The following ZNF407 variants were observed in gnomAD, a reference collection of about 807,000 sequenced individuals.
ZNF407 encodes zinc finger protein 407.
Under a neutral mutation model 131.2 loss-of-function variants are expected in ZNF407, and 17 were observed. The observed-to-expected ratio is 0.13, with a 90% CI of 0.09 to 0.19. ZNF407 has a LOEUF of 0.19. ZNF407 is among the 10% of genes least tolerant of loss of function. ZNF407 has a pLI of 1.00. For synonymous variants in ZNF407, 1,156 were observed against 1,062.0 expected (o/e 1.09, Z -1.72); for missense variants, 2,681 against 2,830.6 (o/e 0.95, Z 1.20).
chr18:74,996,377 T>TA (rs1182039310), intron 8 of ZNF407, among the ~76,000 whole-genome samples: 1 of 152,248 alleles, frequency 6.6e-6, no homozygotes, highest in African/African-American at 2.4e-5. Flanking sequence ...ATTATGGCAG[T>TA]AAAAATGATT....
chr18:74,936,838 G>A (rs781594431), intron 8 of ZNF407, among the ~76,000 whole-genome samples: 11 of 152,074 alleles, frequency 7.2e-5, no homozygotes, highest in East Asian at 3.8e-4. Flanking sequence ...TTTATCTGCC[G>A]ATGATTTCTG....
chr18:74,837,567 A>G (rs576718548), intron 4 of ZNF407, among the ~76,000 whole-genome samples: 1 of 152,138 alleles, frequency 6.6e-6, no homozygotes, highest in South Asian at 2.1e-4. Flanking sequence ...AACATTTTTA[A>G]TTTTTCTTAA....
chr18:74,746,440 G>A (rs539778753), intron 3 of ZNF407, among the ~76,000 whole-genome samples: 1 of 151,888 alleles, frequency 6.6e-6, no homozygotes, highest in African/African-American at 2.4e-5. Flanking sequence ...TAAAGTTTTT[G>A]ACTCCTTTTT....
At chr18:74,858,695 A>C (rs1388606203) in intron 4 of ZNF407, among the ~76,000 whole-genome samples, 1 of 152,146 alleles carries the variant, frequency 6.6e-6, no homozygotes, top group African/African-American at 2.4e-5. Context: ...TCAATGTTTC[A>C]TGTAGTTCTT....
intron 8 of ZNF407, among the ~76,000 whole-genome samples, chr18:75,001,421 T>A (rs1156239089): frequency 6.6e-6 from 1 of 152,192 alleles, no homozygotes; most frequent in Non-Finnish European, 1.5e-5. Context: ...TCTCTGTAAT[T>A]TTTATCATCA....
At position 74,745,188 on chromosome 18, in the gene ZNF407, A is replaced by G. The variant is rs116947172; in HGVS notation, c.4803-36240A>G. 7.0e-3 allele frequency among the ~76,000 whole-genome samples: 1,069 copies of G among 152,310 alleles called. 3 individuals carry two copies. Among genetic ancestry groups the G allele is most frequent in the Non-Finnish European group, 0.011 (733 of 68,024 alleles). On this transcript the variant is annotated intron_variant, in intron 3 of 8. Coordinates refer to ENST00000299687, the MANE Select transcript of ZNF407 (RefSeq NM_017757.3). ...TTAATAATTGGTTATCTTGTGGAGA[A>G]TCATAAATGTACACCTAGGATATGA...
At chr18:75,003,101 C>T (rs1972867124) in intron 8 of ZNF407, among the ~76,000 whole-genome samples, 1 of 152,182 alleles carries the variant, frequency 6.6e-6, no homozygotes, top group Non-Finnish European at 1.5e-5. Context: ...AACATCAACT[C>T]ATTATTTTTG....
chr18:74,934,929 A>G (rs1252472361), intron 8 of ZNF407, among the ~76,000 whole-genome samples: 5 of 152,248 alleles, frequency 3.3e-5, no homozygotes, highest in African/African-American at 1.2e-4. Flanking sequence ...GTATTTAGTT[A>G]GTAAAATATA....
rs1985170576 is a variant in ZNF407 at position 74,650,333 on chromosome 18, T to C, written c.4802+9211T>C. On this transcript the variant is annotated intron_variant, in intron 3 of 8. Coordinates refer to ENST00000299687, the MANE Select transcript of ZNF407 (RefSeq NM_017757.3). Reference sequence around the variant, plus strand: ...TTTACAATTGTTGGTGCTTACTTAGTCTGCATCATGTAGCACTCCTGCCTA... The same window carrying C: ...TTTACAATTGTTGGTGCTTACTTAGCCTGCATCATGTAGCACTCCTGCCTA... 3.3e-5 allele frequency among the ~76,000 whole-genome samples: 5 copies of C among 152,324 alleles called. No individual in the cohort carries two copies. In the Middle Eastern group the frequency reaches 0.017, roughly 518 times the overall value.
intron 4 of ZNF407, among the ~76,000 whole-genome samples, chr18:74,825,101 T>G (rs1433856840): frequency 6.6e-6 from 1 of 152,076 alleles, no homozygotes; most frequent in Non-Finnish European, 1.5e-5. Context: ...ACAGAACCAG[T>G]GACAAAAACC....
intron 8 of ZNF407, among the ~76,000 whole-genome samples, chr18:75,014,248 T>C (rs1042526443): frequency 1.3e-5 from 2 of 152,122 alleles, no homozygotes; most frequent in African/African-American, 4.8e-5. Flanking sequence ...AACTTTCATG[T>C]ATCAATTAAG....
chr18:74,603,560 C>T (rs79904808), intron 1 of ZNF407, among the ~76,000 whole-genome samples: 24 of 152,350 alleles, frequency 1.6e-4, no homozygotes, highest in African/African-American at 5.5e-4. Context: ...CTGAAAGGCA[C>T]CTTTCATAAA....
At chr18:74,993,863 G>A (rs1972747218) in intron 8 of ZNF407, among the ~76,000 whole-genome samples, 1 of 152,188 alleles carries the variant, frequency 6.6e-6, no homozygotes, top group Non-Finnish European at 1.5e-5. Context: ...AATCAGGTAA[G>A]CTCTCATTTA....
At chr18:74,814,916 A>T (rs1046228698) in intron 4 of ZNF407, among the ~76,000 whole-genome samples, 19 of 152,060 alleles carry the variant, frequency 1.2e-4, no homozygotes, top group African/African-American at 4.6e-4. Context: ...GTACATTTTT[A>T]AAATTCAAAA....
rs1241530650 is a variant in ZNF407 at position 75,048,328 on chromosome 18, G to T, written c.5429-14822G>T. The stretch of plus-strand genomic sequence containing the variant: ...TTCTTTTTGGCATTTGCCATGGTTG[G>T]TCCCTCTCTTCTTTCTTCCCTTCCA... On this transcript the variant is annotated intron_variant, in intron 8 of 8. Transcript: ENST00000299687. The surrounding 1 kb of genome is among the most constrained non-coding windows in gnomAD (Gnocchi z 4.1). Among the ~76,000 whole-genome samples, 1 of 152,158 alleles carries T rather than the reference G, an allele frequency of 6.6e-6. No individual in the cohort carries two copies. Among genetic ancestry groups the T allele is most frequent in the African/African-American group, 2.4e-5 (1 of 41,426 alleles).
chr18:74,856,437 A>T (rs1970860238), intron 4 of ZNF407, among the ~76,000 whole-genome samples: 3 of 152,250 alleles, frequency 2.0e-5, no homozygotes, highest in Admixed American at 2.0e-4. Flanking sequence ...AGGAGAAGAA[A>T]GCAATCTAGT....
At chr18:74,656,397 C>CT (rs953523966) in intron 3 of ZNF407, among the ~76,000 whole-genome samples, 4 of 151,860 alleles carry the variant, frequency 2.6e-5, no homozygotes, top group Non-Finnish European at 4.4e-5. Flanking sequence ...AAAGAAAATC[C>CT]TTTTTTTGTT....
At chr18:74,721,033 T>C (rs1968023130) in intron 3 of ZNF407, among the ~76,000 whole-genome samples, 1 of 151,756 alleles carries the variant, frequency 6.6e-6, no homozygotes, top group African/African-American at 2.4e-5. Context: ...GGGTGAAGAA[T>C]GTCGTTGGTA....
At chr18:74,872,498 T>C (rs929399651) in intron 4 of ZNF407, among the ~76,000 whole-genome samples, 19 of 152,206 alleles carry the variant, frequency 1.2e-4, no homozygotes, top group African/African-American at 4.3e-4. Context: ...GCACGGCGGC[T>C]CACACCTGTA....
Sources: allele counts gnomAD v4.1 joint callset (sites outside exome capture counted in the v4.1 genomes callset), GRCh38; gene constraint gnomAD v4.1.1; non-coding constraint Gnocchi (gnomAD v3.1); transcripts MANE v1.5; gene names NCBI Gene and HGNC (gene_info 2026-07-23, HGNC 2026-07-21).